Variants in SCD5 observed in about 807,000 individuals in gnomAD.
SCD5 encodes stearoyl-CoA desaturase 5.
SCD5 carries 20 observed loss-of-function variants against 30.4 expected under a neutral mutation model. That is an observed-to-expected ratio of 0.66 (90% CI 0.46 to 0.96). The LOEUF is 0.96. Ranked by LOEUF, SCD5 falls within the 40% of genes least tolerant of loss-of-function variation. The pLI, the probability that SCD5 is intolerant of heterozygous loss-of-function variation, is 0.00. For missense variants in SCD5, 381 were observed against 443.3 expected (o/e 0.86, Z 1.26); for synonymous variants, 173 against 176.4 (o/e 0.98, Z 0.16).
chr4:82,692,507 T>A (rs1243298138), intron 2 of SCD5: 1 of 152,392 alleles, frequency 6.6e-6, no homozygotes, highest in Non-Finnish European at 1.5e-5. Flanking sequence ...GACTGCCAGC[T>A]GGCGCCTGTT....
chr4:82,677,980 T>A (rs947781242), intron 3 of SCD5, among the ~76,000 whole-genome samples: 2 of 152,002 alleles, frequency 1.3e-5, no homozygotes, highest in African/African-American at 4.8e-5. Flanking sequence ...GCAAACTACA[T>A]GATCCAGAGC....
chr4:82,697,808 C>G (rs531739745), intron 2 of SCD5, among the ~76,000 whole-genome samples: 1 of 152,358 alleles, frequency 6.6e-6, no homozygotes, highest in South Asian at 2.1e-4. Context: ...ACCTGCACCA[C>G]TTTGTCGGAG....
intron 1 of SCD5, among the ~76,000 whole-genome samples, chr4:82,757,453 A>G (rs1164346699): frequency 6.6e-6 from 1 of 152,086 alleles, no homozygotes; most frequent in African/African-American, 2.4e-5. Flanking sequence ...ATTCAATTCA[A>G]CTGAATTGAA....
At chr4:82,773,576 T>G (rs1292228389) in intron 1 of SCD5, among the ~76,000 whole-genome samples, 2 of 152,206 alleles carry the variant, frequency 1.3e-5, no homozygotes, top group African/African-American at 2.4e-5. Flanking sequence ...GCCCCACACA[T>G]ATTACAAAGA....
At chr4:82,741,142 T>C (rs2148838917) in intron 1 of SCD5, among the ~76,000 whole-genome samples, 1 of 151,354 alleles carries the variant, frequency 6.6e-6, no homozygotes, top group Non-Finnish European at 1.5e-5. Flanking sequence ...TTTTGCCATG[T>C]TGCCTAGGCT....
At chr4:82,662,344 C>T (rs1390979200) in intron 3 of SCD5, among the ~76,000 whole-genome samples, 1 of 152,080 alleles carries the variant, frequency 6.6e-6, no homozygotes, top group Non-Finnish European at 1.5e-5. Flanking sequence ...TGAGCCACCA[C>T]GCCCAGCTAT....
intron 1 of SCD5, among the ~76,000 whole-genome samples, chr4:82,797,578 G>T (rs1002987459): frequency 1.3e-5 from 2 of 152,012 alleles, no homozygotes; most frequent in Non-Finnish European, 2.9e-5. Context: ...GGCCACATGG[G>T]AACAGGGTTT....
chr4:82,737,010 T>C (rs958353367), intron 1 of SCD5, among the ~76,000 whole-genome samples: 3 of 152,146 alleles, frequency 2.0e-5, no homozygotes, highest in Non-Finnish European at 4.4e-5. Flanking sequence ...GGGTTTTTTT[T>C]CCTATTTTTC....
chr4:82,708,227 G>A (rs1163539679), intron 1 of SCD5, among the ~76,000 whole-genome samples: 1 of 152,048 alleles, frequency 6.6e-6, no homozygotes, highest in East Asian at 1.9e-4. Context: ...TAGGTGAGTT[G>A]TACAGTATGA....
intron 3 of SCD5, among the ~76,000 whole-genome samples, chr4:82,676,725 A>G (rs1728444351): frequency 6.6e-6 from 1 of 152,182 alleles, no homozygotes; most frequent in Non-Finnish European, 1.5e-5. Flanking sequence ...TGATCTCCTC[A>G]CTTTGTGGAG....
At chr4:82,683,634 G>A in intron 2 of SCD5, among the ~76,000 whole-genome samples, 1 of 152,150 alleles carries the variant, frequency 6.6e-6, no homozygotes, top group Non-Finnish European at 1.5e-5. Context: ...GTTTGGCACT[G>A]TGTCCCCACC....
chr4:82,714,894 G>C (rs899728002), intron 1 of SCD5, among the ~76,000 whole-genome samples: 3 of 149,292 alleles, frequency 2.0e-5, no homozygotes, highest in Admixed American at 1.3e-4. Context: ...CAACCTGTAT[G>C]TAGCTAGAGA....
At chr4:82,794,853 G>A (rs1461766427) in intron 1 of SCD5, among the ~76,000 whole-genome samples, 2 of 151,962 alleles carry the variant, frequency 1.3e-5, no homozygotes, top group Non-Finnish European at 2.9e-5. Flanking sequence ...GGGTTTCACC[G>A]TGTTAGCGAG....
chr4:82,790,121 C>T (rs567827152), intron 1 of SCD5, among the ~76,000 whole-genome samples: 3 of 152,280 alleles, frequency 2.0e-5, no homozygotes, highest in African/African-American at 7.2e-5. Context: ...GACACTGGCA[C>T]CCAATGAGAT....
chr4:82,790,584 G>T (rs1722080687), intron 1 of SCD5, among the ~76,000 whole-genome samples: 1 of 152,106 alleles, frequency 6.6e-6, no homozygotes, highest in Non-Finnish European at 1.5e-5. Flanking sequence ...CCCTAAGCTG[G>T]CACTGATTCT....
intron 1 of SCD5, among the ~76,000 whole-genome samples, chr4:82,723,226 C>T (rs1160466202): frequency 1.3e-5 from 2 of 152,072 alleles, no homozygotes; most frequent in Non-Finnish European, 2.9e-5. Context: ...GCACTAGGGG[C>T]TCTCTGTTCT....
chr4:82,686,961 A>C (rs1728721421), intron 2 of SCD5, among the ~76,000 whole-genome samples: 2 of 152,162 alleles, frequency 1.3e-5, no homozygotes, highest in Non-Finnish European at 2.9e-5. Context: ...ACTTGAGATC[A>C]GGAGTTTGAG....
In SCD5 at chr4:82,636,575, C is replaced by G. The variant is rs200165918; in HGVS notation, c.802+16G>C. 2 of 1,605,634 alleles carry G rather than the reference C, an allele frequency of 1.2e-6. No individual in the cohort carries two copies. The highest frequency in any genetic ancestry group is 3.4e-5 in the Admixed American group (2 of 59,700). On this transcript the variant is annotated intron_variant, in intron 4 of 4. Transcript: ENST00000319540. ...GGCCACCATTCTCCCCATTGGCCCT[C>G]AACACCCCTACTCACCAATGGCACC... is the stretch of plus-strand genomic sequence containing the variant.
At chr4:82,758,446 G>A (rs1009344774) in intron 1 of SCD5, among the ~76,000 whole-genome samples, 1 of 152,158 alleles carries the variant, frequency 6.6e-6, no homozygotes. Context: ...GCCACAGAGC[G>A]AGACTCTGTG....
Sources: gnomAD v4.1 joint callset for allele counts (sites outside exome capture counted in the v4.1 genomes callset) on GRCh38, gnomAD v4.1.1 for gene constraint, MANE v1.5 for transcripts, NCBI Gene and HGNC (gene_info 2026-07-23, HGNC 2026-07-21) for gene names.